Variants in BORA observed in about 807,000 individuals in gnomAD.
BORA encodes protein aurora borealis.
A neutral mutation model predicts 55.8 loss-of-function variants in BORA; 26 were observed. The ratio of observed to expected loss-of-function variants is 0.47; its 90% CI spans 0.34 to 0.65. The LOEUF (loss-of-function observed/expected upper bound fraction) is 0.65, where lower values mean the gene tolerates loss of function less well. Ranked by LOEUF, BORA falls within the 30% of genes least tolerant of loss-of-function variation. BORA has a pLI of 0.01. For synonymous variants in BORA, 201 were observed against 216.9 expected, an observed-to-expected ratio of 0.93 and a Z score of 0.64; for missense variants, 568 against 671.5, an observed-to-expected ratio of 0.85 and a Z score of 1.70.
At chr13:72,738,066 G>A (rs778447592) in intron 5 of BORA, 23 bp downstream of exon 5, 108 of 1,537,210 alleles carry the variant, frequency 7.0e-5, no homozygotes, top group Non-Finnish European at 9.3e-5. Flanking sequence ...AAAATGATAT[G>A]AATAAAAATC....
At chr13:72,736,203 CTTT>C (rs2032924180) in intron 4 of BORA, among the ~76,000 whole-genome samples, 1 of 151,974 alleles carries the variant, frequency 6.6e-6, no homozygotes, top group African/African-American at 2.4e-5. Flanking sequence ...AAAATACTTT[CTTT>C]AAGAATCCTT....
intron 5 of BORA, among the ~76,000 whole-genome samples, chr13:72,740,116 G>A (rs1037236540): frequency 6.6e-6 from 1 of 152,086 alleles, no homozygotes; most frequent in Non-Finnish European, 1.5e-5. Context: ...ACCACATTGA[G>A]GTATAGAACT....
At chr13:72,752,043 G>T (rs1343630473) in intron 10 of BORA, 2 of 152,142 alleles carry the variant, frequency 1.3e-5, no homozygotes, top group African/African-American at 4.8e-5. Flanking sequence ...AAAAGACAAT[G>T]ACATCTGATT....
At chr13:72,741,620 A>G (rs1234771820) in intron 5 of BORA, among the ~76,000 whole-genome samples, 2 of 151,548 alleles carry the variant, frequency 1.3e-5, no homozygotes, top group African/African-American at 4.8e-5. Flanking sequence ...AGTCAAATCC[A>G]TCGATTTTTT....
intron 6 of BORA, 99 bp downstream of exon 6, chr13:72,743,701 A>T: frequency 1.2e-6 from 1 of 846,622 alleles, no homozygotes; most frequent in Non-Finnish European, 1.7e-6. Context: ...TGGAATTGAA[A>T]TTGTTTCCTT....
chr13:72,750,397 G>T (rs1386292135), intron 10 of BORA, among the ~76,000 whole-genome samples: 1 of 151,782 alleles, frequency 6.6e-6, no homozygotes, highest in Non-Finnish European at 1.5e-5. Flanking sequence ...GAGTTTAGTT[G>T]TGAAGGGAAA....
chr13:72,742,742 T>C (rs1437612978), intron 5 of BORA, among the ~76,000 whole-genome samples: 1 of 149,110 alleles, frequency 6.7e-6, no homozygotes, highest in Non-Finnish European at 1.5e-5. Context: ...TGAATGGACT[T>C]TTTAAAATGT....
rs1478227977 is a variant in BORA at position 72,756,019 on chromosome 13, C to T, written c.*803C>T. On this transcript the variant is annotated 3_prime_UTR_variant, in exon 12 of 12. Transcript: ENST00000390667. ...TAGGGCATAGGCCTGTGAAGTAACA[C>T]TGGGGCAGATATGTATGTTATATAC... The T allele has an allele frequency of 2.5e-6, 1 of 398,350 alleles. No homozygotes were observed. Among genetic ancestry groups the T allele is most frequent in the East Asian group, 3.6e-5 (1 of 28,078 alleles). 24.7% of individuals were successfully genotyped at this position (398,350 alleles called of 1,614,324 possible).
rs1242591611 is a variant in BORA at position 72,735,541 on chromosome 13, A to AT, written c.306+538dup. Reference sequence around the variant, plus strand: ...GTAGGCTTTCTAAAAAATAAAAATAATTAAGTTTTTTGCTTTTTTATGTCT... The same window carrying AT: ...GTAGGCTTTCTAAAAAATAAAAATAATTTAAGTTTTTTGCTTTTTTATGTCT... On this transcript the variant is annotated intron_variant, in intron 4 of 11. Transcript: ENST00000390667. 2.4e-4 allele frequency among the ~76,000 whole-genome samples: 37 copies of AT among 152,276 alleles called. No individual in the cohort carries two copies. In the East Asian group the frequency reaches 6.6e-3, roughly 27 times the overall value.
At chr13:72,742,652 A>G (rs966570232) in intron 5 of BORA, among the ~76,000 whole-genome samples, 5 of 152,124 alleles carry the variant, frequency 3.3e-5, no homozygotes, top group African/African-American at 9.6e-5. Context: ...TCAAAGAGAT[A>G]CCTGCACTCT....
At position 72,755,397 on chromosome 13, in the gene BORA, T is replaced by A; in HGVS notation, c.*181T>A. 1 of 534,506 alleles carries A rather than the reference T, an allele frequency of 1.9e-6. No individual in the cohort carries two copies. The highest frequency in any genetic ancestry group is 3.3e-6 in the Non-Finnish European group (1 of 302,772). 33.1% of individuals were successfully genotyped at this position (534,506 alleles called of 1,614,324 possible). On this transcript the variant is annotated 3_prime_UTR_variant, in exon 12 of 12. Transcript: ENST00000390667. ...GAACAACAGAAATGCTCCTGGAACT[T>A]CAAGTTGCTGAATTATAAGTTTATT...
intron 8 of BORA, 82 bp from the exon 9 acceptor site, chr13:72,745,862 G>A: frequency 1.6e-6 from 2 of 1,260,634 alleles, no homozygotes; most frequent in Non-Finnish European, 2.2e-6. Context: ...AGTGTGTTTT[G>A]AAGACCATGA....
chr13:72,750,747 A>G (rs955805975), intron 10 of BORA, among the ~76,000 whole-genome samples: 8 of 152,188 alleles, frequency 5.3e-5, no homozygotes, highest in African/African-American at 1.9e-4. Flanking sequence ...TTTTACAGTC[A>G]GAAGCTAATC....
intron 7 of BORA, among the ~76,000 whole-genome samples, 153 bp from the exon 8 acceptor site, chr13:72,744,828 G>A (rs1166454048): frequency 6.6e-6 from 1 of 152,158 alleles, no homozygotes; most frequent in Admixed American, 6.5e-5. Flanking sequence ...AATAATTTAA[G>A]ATGTAAAACA....
At position 72,746,191 on chromosome 13, in the gene BORA, A is replaced by G. The variant is rs1226142729; in HGVS notation, c.871+115A>G. The G allele has an allele frequency of 3.0e-6, 3 of 998,154 alleles. No homozygotes were observed. In the Admixed American group the frequency reaches 8.1e-5, roughly 27 times the overall value. The allele number at this position is 998,154 out of a possible 1,614,324, so 61.8% of individuals were successfully genotyped here. On this transcript the variant is annotated intron_variant, in intron 9 of 11. Transcript: ENST00000390667. ...AGCTCAAAATGATCACTAACCTTCT[A>G]ACATTTAGGAACTTTGATTTTTAAA... is the stretch of plus-strand genomic sequence containing the variant.
intron 5 of BORA, among the ~76,000 whole-genome samples, chr13:72,739,828 C>T (rs2033001124): frequency 1.3e-5 from 2 of 152,136 alleles, no homozygotes; most frequent in Non-Finnish European, 2.9e-5. Flanking sequence ...TACCTGAACA[C>T]CACACAGGGA....
chr13:72,751,507 A>G (rs1001269340), intron 10 of BORA, among the ~76,000 whole-genome samples: 3 of 152,200 alleles, frequency 2.0e-5, no homozygotes, highest in African/African-American at 7.2e-5. Context: ...AAAGATAAAT[A>G]CCACATGTAC....
intron 2 of BORA, among the ~76,000 whole-genome samples, chr13:72,730,888 T>TAAAAA (rs372986974): frequency 2.0e-5 from 1 of 48,994 alleles, no homozygotes; most frequent in Non-Finnish European, 4.8e-5. Flanking sequence ...CCATCTCTAC[T>TAAAAA]AAAAAAAAAA....
chr13:72,738,315 A>C (rs922769316), intron 5 of BORA, among the ~76,000 whole-genome samples: 2 of 152,150 alleles, frequency 1.3e-5, no homozygotes, highest in Admixed American at 1.3e-4. Flanking sequence ...ATAGATGAAG[A>C]AATAGTTGGT....
Sources: gnomAD v4.1 joint callset for allele counts (sites outside exome capture counted in the v4.1 genomes callset) on GRCh38, gnomAD v4.1.1 for gene constraint, MANE v1.5 for transcripts, NCBI Gene and HGNC (gene_info 2026-07-23, HGNC 2026-07-21) for gene names.